Variants in STK39 observed in about 807,000 individuals in gnomAD.
STK39 encodes the protein STE20/SPS1-related proline-alanine-rich protein kinase.
In STK39, 20 loss-of-function variants were observed where a neutral mutation model predicts 77.8. That is an observed-to-expected ratio of 0.26 (90% CI 0.18 to 0.37). The LOEUF is 0.37. STK39 is among the 10% of genes least tolerant of loss of function. The probability of loss-of-function intolerance (pLI) is 1.00; values close to 1 mark genes in which losing one functional copy is unlikely to be tolerated. For synonymous variants in STK39, 246 were observed against 234.1 expected (o/e 1.05, Z -0.47); for missense variants, 479 against 656.5 (o/e 0.73, Z 2.95).
chr2:168,079,534 G>A (rs934499303), intron 10 of STK39, among the ~76,000 whole-genome samples: 2 of 152,174 alleles, frequency 1.3e-5, no homozygotes, highest in Non-Finnish European at 2.9e-5. Flanking sequence ...GATGGCCACC[G>A]GCCACTCCTA....
At chr2:168,132,831 T>C (rs2105513225) in intron 8 of STK39, among the ~76,000 whole-genome samples, 1 of 152,284 alleles carries the variant, frequency 6.6e-6, no homozygotes, top group Non-Finnish European at 1.5e-5. Flanking sequence ...TTCCTTTGTA[T>C]GTTTCCAATA....
chr2:168,028,113 C>T (rs539713679), intron 14 of STK39, among the ~76,000 whole-genome samples: 203 of 152,254 alleles, frequency 1.3e-3, no homozygotes, highest in African/African-American at 4.6e-3. Flanking sequence ...CTTACCCACT[C>T]TTCAACCTAA....
chr2:168,012,713 G>A lies in STK39; in HGVS notation c.1430-11C>T, dbSNP rs1559056440. On this transcript the variant is annotated splice_polypyrimidine_tract_variant and intron_variant, in intron 15 of 17. Coordinates refer to ENST00000355999, the MANE Select transcript of STK39 (RefSeq NM_013233.3). The stretch of plus-strand genomic sequence containing the variant: ...CACCATCTGCTGTATCTGTCCAAAT[G>A]TGAAATGAATATGTATTAGTAACCA... 2 of 1,611,144 alleles carry A rather than the reference G, an allele frequency of 1.2e-6. No homozygotes were observed. The highest frequency in any genetic ancestry group is 2.2e-5 in the South Asian group (2 of 90,726).
chr2:168,219,869 CTT>C (rs200725506), intron 1 of STK39, among the ~76,000 whole-genome samples: 4 of 86,606 alleles, frequency 4.6e-5, no homozygotes, highest in East Asian at 2.3e-4. Context: ...ACTTTTCTTG[CTT>C]TTTTTTTTTT....
chr2:168,177,733 G>A (rs1688989122), intron 2 of STK39, among the ~76,000 whole-genome samples: 1 of 152,162 alleles, frequency 6.6e-6, no homozygotes, highest in African/African-American at 2.4e-5. Flanking sequence ...AAACCAGAGA[G>A]CCAAGCTCTA....
chr2:167,996,587 G>A (rs1420895827), intron 16 of STK39, among the ~76,000 whole-genome samples: 1 of 152,140 alleles, frequency 6.6e-6, no homozygotes, highest in African/African-American at 2.4e-5. Context: ...CTAATTCGGT[G>A]GGTCAAGTTC....
At chr2:168,128,274 A>C (rs1687596636) in intron 10 of STK39, among the ~76,000 whole-genome samples, 1 of 152,202 alleles carries the variant, frequency 6.6e-6, no homozygotes. Flanking sequence ...CTGACATTTT[A>C]AATACTTGAT....
At chr2:168,166,346 G>A (rs1288002440) in intron 3 of STK39, among the ~76,000 whole-genome samples, 2 of 152,204 alleles carry the variant, frequency 1.3e-5, no homozygotes, top group African/African-American at 4.8e-5. Context: ...GATGTTAGAA[G>A]ATTAAAAGAA....
intron 2 of STK39, among the ~76,000 whole-genome samples, chr2:168,168,003 A>G (rs952709345): frequency 6.6e-6 from 1 of 152,208 alleles, no homozygotes; most frequent in African/African-American, 2.4e-5. Context: ...CAGGCGAAGT[A>G]AAATAAGCTT....
intron 17 of STK39, among the ~76,000 whole-genome samples, chr2:167,963,077 C>T (rs1692038464): frequency 6.6e-6 from 1 of 152,154 alleles, no homozygotes; most frequent in South Asian, 2.1e-4. Flanking sequence ...GAGGATTACT[C>T]TGGCTACAGG....
rs915078557 is a variant in STK39 at position 168,090,404 on chromosome 2, C to G, written c.1090-15173G>C. ...TCCCCATCTTCCCTCATGCTTTCCC[C>G]TTAGAGAGGGATGTCAGGAGCTAGT... On this transcript the variant is annotated intron_variant, in intron 10 of 17. Coordinates refer to ENST00000355999, the MANE Select transcript of STK39 (RefSeq NM_013233.3). Among the ~76,000 whole-genome samples, 5 of 152,200 alleles carry G rather than the reference C, an allele frequency of 3.3e-5. No individual in the cohort carries two copies. The East Asian group carries it at 5.8e-4, about 18-fold the overall frequency.
chr2:168,162,467 A>G (rs1238836600), intron 4 of STK39, among the ~76,000 whole-genome samples: 1 of 152,100 alleles, frequency 6.6e-6, no homozygotes, highest in Admixed American at 6.6e-5. Context: ...CACTGCCCAT[A>G]AACTCACACT....
At chr2:168,014,516 T>C (rs13005420) in intron 15 of STK39, among the ~76,000 whole-genome samples, 23,054 of 152,062 alleles carry the variant, frequency 0.15, 1,907 homozygotes, top group Middle Eastern at 0.18. Flanking sequence ...ATAAAGTCTC[T>C]TCATGATAAA....
At chr2:168,235,520 A>G (rs945165116) in intron 1 of STK39, among the ~76,000 whole-genome samples, 1 of 151,736 alleles carries the variant, frequency 6.6e-6, no homozygotes, top group African/African-American at 2.4e-5. Context: ...ATATGTATAC[A>G]TGTGCCATGT....
rs372734310 is a variant in STK39 at position 168,043,162 on chromosome 2, C to G, written c.1376+20338G>C. 4.2e-4 allele frequency among the ~76,000 whole-genome samples: 64 copies of G among 152,272 alleles called. 4 individuals are homozygous for G. The highest frequency in any genetic ancestry group is 1.5e-3 in the African/African-American group (62 of 41,542). ...ATACAAAATACAGTTCAAAGCCCACCTTTTACTCAGCAATCAGAGTATGTT... is the reference window on the plus strand; with the variant it reads ...ATACAAAATACAGTTCAAAGCCCACGTTTTACTCAGCAATCAGAGTATGTT... On this transcript the variant is annotated intron_variant, in intron 14 of 17. Transcript: ENST00000355999.
chr2:168,084,316 T>A (rs1686313779), intron 10 of STK39, among the ~76,000 whole-genome samples: 1 of 152,208 alleles, frequency 6.6e-6, no homozygotes, highest in Admixed American at 6.5e-5. Flanking sequence ...ATGTAACTAA[T>A]CACCCTAAAA....
intron 16 of STK39, among the ~76,000 whole-genome samples, chr2:167,989,510 C>T (rs1179637282): frequency 6.6e-6 from 1 of 152,078 alleles, no homozygotes; most frequent in Non-Finnish European, 1.5e-5. Context: ...TCAACCAATG[C>T]TGGAAGAGAG....
At chr2:168,128,785 C>G (rs1687608662) in intron 10 of STK39, among the ~76,000 whole-genome samples, 1 of 152,162 alleles carries the variant, frequency 6.6e-6, no homozygotes, top group Admixed American at 6.6e-5. Flanking sequence ...AACACAGATT[C>G]ATGTCAGCTT....
At position 168,140,526 on chromosome 2, in the gene STK39, A is replaced by G. The variant is rs1687953620; in HGVS notation, c.738+123T>C. ...GTTTGCTAATTAGCTAGCAATTGAG[A>G]ATTAAATCTTAGTTACATTATGCAT... On this transcript the variant is annotated intron_variant, in intron 6 of 17. Coordinates refer to ENST00000355999, the MANE Select transcript of STK39 (RefSeq NM_013233.3). 52 of 1,151,782 alleles carry G rather than the reference A, an allele frequency of 4.5e-5. 1 individual carries two copies. The South Asian group carries it at 7.0e-4, about 15-fold the overall frequency. 71.3% of individuals were successfully genotyped at this position (1,151,782 alleles called of 1,614,324 possible).
Sources: gnomAD v4.1 joint callset for allele counts (sites outside exome capture counted in the v4.1 genomes callset) on GRCh38, gnomAD v4.1.1 for gene constraint, MANE v1.5 for transcripts, NCBI Gene and HGNC (gene_info 2026-07-23, HGNC 2026-07-21) for gene names.